GRM5: variants seen among roughly 807,000 people sequenced by gnomAD.
GRM5 encodes the protein metabotropic glutamate receptor 5.
A neutral mutation model predicts 83.1 loss-of-function variants in GRM5; 19 were observed. The ratio of observed to expected loss-of-function variants is 0.23; its 90% confidence interval spans 0.16 to 0.34. The LOEUF (loss-of-function observed/expected upper bound fraction) is 0.34. Among genes scored for constraint, GRM5 ranks in the 10% least tolerant of loss-of-function variants. The pLI, the probability that GRM5 is intolerant of heterozygous loss-of-function variation, is 1.00. For missense variants in GRM5, 1,160 were observed against 1,588.3 expected, an observed-to-expected ratio of 0.73 and a Z score of 4.58; for synonymous variants, 675 against 633.6, an observed-to-expected ratio of 1.07 and a Z score of -0.98.
intron 8 of GRM5, among the ~76,000 whole-genome samples, chr11:88,544,707 G>A (rs1454143078): frequency 6.6e-6 from 1 of 152,202 alleles, no homozygotes; most frequent in Non-Finnish European, 1.5e-5. Flanking sequence ...AGTATAAAAT[G>A]TGTGGCTATA....
chr11:88,566,756 G>C (rs1013650783), intron 8 of GRM5, among the ~76,000 whole-genome samples: 1 of 152,044 alleles, frequency 6.6e-6, no homozygotes, highest in Non-Finnish European at 1.5e-5. Context: ...GAGGGTCCTT[G>C]CCTTGGCTTT....
chr11:88,998,542 C>T (rs369976189), intron 2 of GRM5, among the ~76,000 whole-genome samples: 21 of 152,286 alleles, frequency 1.4e-4, no homozygotes, highest in African/African-American at 4.3e-4. Flanking sequence ...GCTGACCAAT[C>T]TTCCCATTAT....
intron 3 of GRM5, among the ~76,000 whole-genome samples, chr11:88,789,110 C>T (rs11825174): frequency 0.11 from 17,198 of 152,178 alleles, 2,132 homozygotes; most frequent in African/African-American, 0.31. Flanking sequence ...GAATCGTGTT[C>T]TAAACCAGAC....
At chr11:88,633,499 C>A (rs1939036987) in intron 4 of GRM5, among the ~76,000 whole-genome samples, 1 of 152,036 alleles carries the variant, frequency 6.6e-6, no homozygotes, top group African/African-American at 2.4e-5. Flanking sequence ...ACATTTATAT[C>A]TATAATTTTC....
intron 3 of GRM5, among the ~76,000 whole-genome samples, chr11:88,754,167 G>A (rs1942347572): frequency 6.6e-6 from 1 of 152,162 alleles, no homozygotes; most frequent in African/African-American, 2.4e-5. Flanking sequence ...ATTATCCTCA[G>A]CAAATTAATG....
chr11:88,951,525 A>G (rs901012342), intron 2 of GRM5, among the ~76,000 whole-genome samples: 2 of 152,222 alleles, frequency 1.3e-5, no homozygotes, highest in African/African-American at 2.4e-5. Flanking sequence ...CAATTTATCA[A>G]TCTCAACAAT....
At chr11:88,639,214 G>A (rs1443002420) in intron 4 of GRM5, among the ~76,000 whole-genome samples, 1 of 152,086 alleles carries the variant, frequency 6.6e-6, no homozygotes, top group Admixed American at 6.5e-5. Context: ...TCTGTCCCGG[G>A]TCATGCGTGT....
chr11:89,026,713 G>A (rs1941137947), intron 2 of GRM5, among the ~76,000 whole-genome samples: 1 of 152,104 alleles, frequency 6.6e-6, no homozygotes, highest in Non-Finnish European at 1.5e-5. Context: ...CATATTCTAA[G>A]CCCTGCTGGA....
intron 3 of GRM5, among the ~76,000 whole-genome samples, chr11:88,751,320 T>C (rs752982947): frequency 1.3e-5 from 2 of 152,094 alleles, no homozygotes; most frequent in Non-Finnish European, 2.9e-5. Flanking sequence ...GAGAATATTA[T>C]AAACACCTCT....
At chr11:88,704,629 C>T (rs1332666626) in intron 3 of GRM5, among the ~76,000 whole-genome samples, 1 of 152,100 alleles carries the variant, frequency 6.6e-6, no homozygotes, top group Non-Finnish European at 1.5e-5. Flanking sequence ...ACCCTTTTGC[C>T]CTCTCCATGC....
intron 2 of GRM5, among the ~76,000 whole-genome samples, chr11:88,882,244 GTAAGTAAA>G (rs762622208): frequency 3.0e-5 from 1 of 33,070 alleles, no homozygotes; most frequent in Non-Finnish European, 5.3e-5. Context: ...ATCAAAATAA[GTAAGTAAA>G]TAAATAAATA....
At chr11:88,747,428 C>G (rs1355229409) in intron 3 of GRM5, among the ~76,000 whole-genome samples, 1 of 152,102 alleles carries the variant, frequency 6.6e-6, no homozygotes, top group Non-Finnish European at 1.5e-5. Context: ...TACTTATGTT[C>G]CTGTTAAACT....
intron 3 of GRM5, among the ~76,000 whole-genome samples, chr11:88,747,222 T>C (rs1053143173): frequency 6.6e-6 from 1 of 152,066 alleles, no homozygotes; most frequent in Non-Finnish European, 1.5e-5. Context: ...AGCTCATTTT[T>C]CCACAAACTC....
chr11:89,064,888 C>CTCTCTCTGTGTGTGTGTG (rs1218318990), intron 1 of GRM5, among the ~76,000 whole-genome samples: 11 of 62,262 alleles, frequency 1.8e-4, no homozygotes, highest in African/African-American at 7.6e-4. Context: ...CTCTCTCTCT[C>CTCTCTCTGTGTGTGTGTG]TGTGTGTGTG....
intron 1 of GRM5, among the ~76,000 whole-genome samples, chr11:89,054,966 A>G (rs1941842683): frequency 6.6e-6 from 1 of 152,236 alleles, no homozygotes; most frequent in South Asian, 2.1e-4. Flanking sequence ...GCTAATCATT[A>G]GTATTTTTAA....
intron 8 of GRM5, among the ~76,000 whole-genome samples, chr11:88,560,294 A>C (rs1942725631): frequency 6.6e-6 from 1 of 152,080 alleles, no homozygotes; most frequent in African/African-American, 2.4e-5. Context: ...CATTATTTCT[A>C]ATTTCGGGCA....
At chr11:88,636,657 C>A (rs189268007) in intron 4 of GRM5, among the ~76,000 whole-genome samples, 250 of 152,176 alleles carry the variant, frequency 1.6e-3, no homozygotes, top group African/African-American at 5.7e-3. Context: ...ATTAAGCCAA[C>A]CTTACATTTC....
In GRM5 at chr11:88,604,895, G is replaced by A. The variant is rs1938098221; in HGVS notation, c.1217C>T (p.Ser406Leu). ...KMGFVINAIYSMAYGLHNMQM... is the reference protein window; with the variant it reads ...KMGFVINAIYLMAYGLHNMQM... ...CATGTTGTGGAGCCCATAGGCCATC[G>A]AATAGATGGCGTTGATCACAAATCC... The change falls in exon 5 of 10, where the codon TCG becomes TTG. Residue 406 changes from serine (S) to leucine (L), a missense_variant. This residue lies in a region of GRM5 where 132 missense variants were observed against 197.6 expected (regional missense o/e 0.67). Coordinates refer to ENST00000305447, the MANE Select transcript of GRM5 (RefSeq NM_001143831.3). 1 of 1,608,202 alleles carries A rather than the reference G, an allele frequency of 6.2e-7. No homozygotes were observed.
chr11:88,993,248 A>C (rs554764171), intron 2 of GRM5, among the ~76,000 whole-genome samples: 1 of 127,538 alleles, frequency 7.8e-6, no homozygotes, highest in Admixed American at 8.4e-5. Flanking sequence ...CCTGGAGGAC[A>C]GAGTGAGACT....
Sources: gnomAD v4.1 joint callset for allele counts (sites outside exome capture counted in the v4.1 genomes callset) on GRCh38, gnomAD v4.1.1 for gene constraint, gnomAD v4.1.1 regional missense constraint, MANE v1.5 for transcripts, NCBI Gene and HGNC (gene_info 2026-07-23, HGNC 2026-07-21) for gene names.